PNLIP: variants seen among roughly 807,000 people sequenced by gnomAD.
PNLIP encodes pancreatic lipase, also known as pancreatic triacylglycerol lipase.
PNLIP carries 49 observed loss-of-function variants against 57.1 expected under a neutral mutation model. The observed-to-expected ratio is 0.86, with a 90% CI of 0.68 to 1.09. The LOEUF (loss-of-function observed/expected upper bound fraction) is 1.09, where lower values mean the gene tolerates loss of function less well. Among genes scored for constraint, PNLIP ranks in the 50% least tolerant of loss-of-function variants. The probability of loss-of-function intolerance (pLI) is 0.00; values close to 1 mark genes in which losing one functional copy is unlikely to be tolerated. For missense variants in PNLIP, 503 were observed against 570.2 expected (o/e 0.88, Z 1.20); for synonymous variants, 209 against 200.4 (o/e 1.04, Z -0.36).
chr10:116,565,539 C>T (rs1328328164), intron 12 of PNLIP, among the ~76,000 whole-genome samples: 2 of 142,762 alleles, frequency 1.4e-5, no homozygotes, highest in Non-Finnish European at 3.0e-5. Context: ...CAGTTCACTG[C>T]AACCTCTGCC....
rs111556245 is a variant in PNLIP at position 116,546,463 on chromosome 10, C to T, written c.46+325C>T. ...TTGCTAAATCTAGCAACCCTGACAT[C>T]AAGTCAAGTTAAGAGTTTGAACCTT... On this transcript the variant is annotated intron_variant, in intron 2 of 12. Transcript: ENST00000369221. Among the ~76,000 whole-genome samples the T allele has an allele frequency of 3.7e-3, 557 of 152,310 alleles. 4 individuals are homozygous for T. Among genetic ancestry groups the T allele is most frequent in the African/African-American group, 0.013 (529 of 41,558 alleles).
intron 4 of PNLIP, 73 bp downstream of exon 4, chr10:116,548,555 C>G: frequency 6.6e-7 from 1 of 1,514,262 alleles, no homozygotes; most frequent in South Asian, 1.2e-5. Context: ...GCACTGGCCC[C>G]GACCAATGAG....
chr10:116,562,674 G>A (rs1217644950), intron 12 of PNLIP, among the ~76,000 whole-genome samples: 2 of 152,196 alleles, frequency 1.3e-5, no homozygotes, highest in South Asian at 2.1e-4. Flanking sequence ...ATTGACCCAT[G>A]TATGAGAACA....
At chr10:116,565,721 C>T (rs1171821891) in intron 12 of PNLIP, among the ~76,000 whole-genome samples, 1 of 152,190 alleles carries the variant, frequency 6.6e-6, no homozygotes, top group Admixed American at 6.5e-5. Context: ...CCTTCCAATA[C>T]ATCTCGCTGA....
chr10:116,559,322 A>T, intron 10 of PNLIP, 39 bp downstream of exon 10: 1 of 1,446,822 alleles, frequency 6.9e-7, no homozygotes, highest in Non-Finnish European at 9.6e-7. Context: ...TCTTATTGCT[A>T]TATATTTTAT....
intron 3 of PNLIP, 41 bp downstream of exon 3, chr10:116,547,489 G>A: frequency 6.4e-7 from 1 of 1,550,724 alleles, no homozygotes. Context: ...TTCTTTGGGA[G>A]GCCGAGGCGG....
chr10:116,558,446 G>C (rs1847279284), intron 9 of PNLIP, among the ~76,000 whole-genome samples: 1 of 151,426 alleles, frequency 6.6e-6, no homozygotes, highest in African/African-American at 2.4e-5. Context: ...CTCCAGCCTT[G>C]GCCTCCCAAA....
At chr10:116,554,376 A>G (rs1264043790) in intron 6 of PNLIP, among the ~76,000 whole-genome samples, 1 of 152,228 alleles carries the variant, frequency 6.6e-6, no homozygotes, top group Non-Finnish European at 1.5e-5. Context: ...TTAAGCCTCA[A>G]ACATAACCCC....
At chr10:116,567,629 G>A (rs535999860) in intron 12 of PNLIP, 106 bp from the exon 13 acceptor site, 17 of 858,380 alleles carry the variant, frequency 2.0e-5, no homozygotes, top group Non-Finnish European at 2.8e-5. Context: ...CACAGGGTGC[G>A]CCCTTCCCTC....
At chr10:116,549,523 C>T (rs555658955) in intron 4 of PNLIP, among the ~76,000 whole-genome samples, 1 of 151,702 alleles carries the variant, frequency 6.6e-6, no homozygotes, top group African/African-American at 2.4e-5. Flanking sequence ...TAAGCCCATA[C>T]AGTTTCAGGT....
chr10:116,551,202 A>G lies in PNLIP; in HGVS notation c.429A>G (p.Ala143=). ...CGCAGAACATCAGGATCGTGGGAGC[A>G]GAAGTGGCATATTTTGTTGAATTTC... ...QASQNIRIVG[A]EVAYFVEFLQ... The change falls in exon 5 of 13, where the codon GCA becomes GCG. Residue 143 remains alanine (A), a synonymous_variant. Coordinates refer to ENST00000369221, the MANE Select transcript of PNLIP (RefSeq NM_000936.4). The G allele has an allele frequency of 6.2e-7, 1 of 1,612,062 alleles. No individual in the cohort carries two copies. The highest frequency in any genetic ancestry group is 8.5e-7 in the Non-Finnish European group (1 of 1,179,018).
chr10:116,555,084 C>A, intron 6 of PNLIP, 94 bp from the exon 7 acceptor site: 2 of 1,382,658 alleles, frequency 1.4e-6, no homozygotes, highest in Non-Finnish European at 2.0e-6. Flanking sequence ...TAAGGAAGAA[C>A]CCGTTCATCC....
intron 7 of PNLIP, 37 bp from the exon 8 acceptor site, chr10:116,555,351 C>T (rs1332052068): frequency 1.9e-6 from 3 of 1,614,082 alleles, no homozygotes; most frequent in South Asian, 1.1e-5. Context: ...AGTCTATATA[C>T]ATTAGCATAA....
chr10:116,560,550 C>A, intron 11 of PNLIP, 26 bp downstream of exon 11: 3 of 504,202 alleles, frequency 5.9e-6, no homozygotes, highest in Non-Finnish European at 6.4e-6. Context: ...TTGCTCTATG[C>A]TTTTTTTTTT....
rs765608492 is a variant in PNLIP at position 116,556,097 on chromosome 10, C to T, written c.909C>T (p.Ala303=). Residue 303 remains alanine (A), a synonymous_variant, in exon 9 of 13, where the codon GCC becomes GCT. Transcript: ENST00000369221. Reference sequence around the variant, plus strand: ...ATGGCTTTGCTGGATTCCCCTGTGCCTCTTACAACGTCTTCACTGCAGTAA... The same window carrying T: ...ATGGCTTTGCTGGATTCCCCTGTGCTTCTTACAACGTCTTCACTGCAGTAA... ...NPDGFAGFPC[A]SYNVFTANKC... is the part of the protein sequence containing the mutation. 5 of 1,609,366 alleles carry T rather than the reference C, an allele frequency of 3.1e-6. No individual in the cohort carries two copies. Among genetic ancestry groups the T allele is most frequent in the South Asian group, 1.1e-5 (1 of 90,974 alleles).
intron 4 of PNLIP, among the ~76,000 whole-genome samples, chr10:116,549,248 C>G (rs1292254434): frequency 6.6e-6 from 1 of 151,998 alleles, no homozygotes; most frequent in Admixed American, 6.6e-5. Context: ...GAGGCTGAGG[C>G]GGGCGGATCA....
chr10:116,550,225 A>G (rs1162438355), intron 4 of PNLIP, among the ~76,000 whole-genome samples: 3 of 151,478 alleles, frequency 2.0e-5, no homozygotes, highest in Non-Finnish European at 4.4e-5. Flanking sequence ...GGCCCGGCTA[A>G]TTTTTTGTAC....
At chr10:116,562,152 T>C (rs995161549) in intron 12 of PNLIP, among the ~76,000 whole-genome samples, 2 of 152,178 alleles carry the variant, frequency 1.3e-5, no homozygotes, top group African/African-American at 4.8e-5. Context: ...AAAGGTGATC[T>C]GGTGATAATC....
In PNLIP at chr10:116,551,244, C is replaced by T. The variant is rs777824949; in HGVS notation, c.459+12C>T. ...TTGAATTTCTTCAGGTAATTACTCC[C>T]GGATTGCATAAAAGCCTGTACACAT... On this transcript the variant is annotated intron_variant, in intron 5 of 12. Coordinates refer to ENST00000369221, the MANE Select transcript of PNLIP (RefSeq NM_000936.4). 1.8e-5 allele frequency: 28 copies of T among 1,592,144 alleles called. No homozygotes were observed. Among genetic ancestry groups the T allele is most frequent in the South Asian group, 1.0e-4 (9 of 88,208 alleles).
Sources: allele counts gnomAD v4.1 joint callset (sites outside exome capture counted in the v4.1 genomes callset), GRCh38; gene constraint gnomAD v4.1.1; transcripts MANE v1.5; gene names NCBI Gene and HGNC (gene_info 2026-07-23, HGNC 2026-07-21).